The following NOPCHAP1 variants were observed in gnomAD, a reference collection of about 807,000 sequenced individuals.
NOPCHAP1 encodes the protein NOP protein chaperone 1.
In NOPCHAP1, 13 loss-of-function variants were observed where a neutral mutation model predicts 14.0. The ratio of observed to expected loss-of-function variants is 0.93; its 90% CI spans 0.60 to 1.47. The LOEUF (loss-of-function observed/expected upper bound fraction) is 1.47. Ranked by LOEUF, NOPCHAP1 falls within the 40% of genes most tolerant of loss-of-function variation. NOPCHAP1 has a pLI of 0.00. For missense variants in NOPCHAP1, 230 were observed against 226.9 expected, an observed-to-expected ratio of 1.01 and a Z score of -0.09; for synonymous variants, 78 against 78.4, an observed-to-expected ratio of 1.00 and a Z score of 0.03.
Position 105,008,265 on chromosome 12 carries a change from G to T in NOPCHAP1, c.*13569G>T, listed in dbSNP as rs559948891. Reference sequence around the variant, plus strand: ...GTGATGATGAGCTTTTTTCATGTTTGTTGGCCGCATAAATGTCTTCTTTTG... The same window carrying T: ...GTGATGATGAGCTTTTTTCATGTTTTTTGGCCGCATAAATGTCTTCTTTTG... On this transcript the variant is annotated 3_prime_UTR_variant, in exon 4 of 4. Coordinates refer to ENST00000552951, the MANE Select transcript of NOPCHAP1 (RefSeq NM_152318.3). The T allele has an allele frequency of 2.0e-5, 3 of 152,250 alleles. No individual in the cohort carries two copies. The highest frequency in any genetic ancestry group is 2.1e-4 in the South Asian group (1 of 4,824). The allele number at this position is 152,250 out of a possible 1,614,324, so 9.4% of individuals were successfully genotyped here.
At chr12:104,990,862 T>G (rs527427053) in intron 2 of NOPCHAP1, among the ~76,000 whole-genome samples, 2 of 152,324 alleles carry the variant, frequency 1.3e-5, no homozygotes, top group East Asian at 1.9e-4. Context: ...TGTTGGCTCT[T>G]TTTATTGGGG....
chr12:105,015,287 T>G lies in NOPCHAP1; in HGVS notation c.*20591T>G, dbSNP rs574941457. Reference sequence around the variant, plus strand: ...CCACTGGATGCTATGCTACCTTGTGTGAACAGTTGCATTTGTCTGTTTCAC... The same window carrying G: ...CCACTGGATGCTATGCTACCTTGTGGGAACAGTTGCATTTGTCTGTTTCAC... On this transcript the variant is annotated 3_prime_UTR_variant, in exon 4 of 4. Coordinates refer to ENST00000552951, the MANE Select transcript of NOPCHAP1 (RefSeq NM_152318.3). The G allele has an allele frequency of 6.6e-6, 1 of 152,232 alleles. No individual in the cohort carries two copies. The highest frequency in any genetic ancestry group is 1.5e-5 in the Non-Finnish European group (1 of 68,052). 9.4% of individuals were successfully genotyped at this position (152,232 alleles called of 1,614,324 possible).
At chr12:104,988,685 C>A (rs1305575141) in intron 2 of NOPCHAP1, among the ~76,000 whole-genome samples, 1 of 152,144 alleles carries the variant, frequency 6.6e-6, no homozygotes, top group Non-Finnish European at 1.5e-5. Flanking sequence ...ACTGCACATT[C>A]ATAAGTATGT....
rs1199685896 is a variant in NOPCHAP1, at chr12:104,986,330, G to C, written c.-23G>C. On this transcript the variant is annotated 5_prime_UTR_variant, in exon 1 of 4. Transcript: ENST00000552951. ...GAGCCTTTTTCCTGCATCCGGGCCT[G>C]AGAGTGCAGGCTTGAGGGAAGCATG... The C allele has an allele frequency of 6.3e-7, 1 of 1,586,652 alleles. No individual in the cohort carries two copies. The highest frequency in any genetic ancestry group is 1.3e-5 in the African/African-American group (1 of 74,270).
chr12:105,007,458 A>G lies in NOPCHAP1; in HGVS notation c.*12762A>G, dbSNP rs1873729567. On this transcript the variant is annotated 3_prime_UTR_variant, in exon 4 of 4. Coordinates refer to ENST00000552951, the MANE Select transcript of NOPCHAP1 (RefSeq NM_152318.3). ...GCTTCTTGGAAGAAATTCCAACATCACTAGTAGCACTTTATATGGTTCCTA... is the reference window on the plus strand; with the variant it reads ...GCTTCTTGGAAGAAATTCCAACATCGCTAGTAGCACTTTATATGGTTCCTA... 1 of 152,140 alleles carries G rather than the reference A, an allele frequency of 6.6e-6. No individual in the cohort carries two copies. Among genetic ancestry groups the G allele is most frequent in the South Asian group, 2.1e-4 (1 of 4,832 alleles). 9.4% of individuals were successfully genotyped at this position (152,140 alleles called of 1,614,324 possible).
At chr12:104,986,711 T>C (rs962826150) in intron 1 of NOPCHAP1, among the ~76,000 whole-genome samples, 3 of 152,158 alleles carry the variant, frequency 2.0e-5, no homozygotes, top group African/African-American at 7.2e-5. Flanking sequence ...TGCAAGGTAG[T>C]GAGCGCCCAC....
rs766723823 is a variant in NOPCHAP1 at position 104,988,198 on chromosome 12, A to G, written c.147A>G (p.Gln49=). 4 of 1,613,100 alleles carry G rather than the reference A, an allele frequency of 2.5e-6. No individual in the cohort carries two copies. Among genetic ancestry groups the G allele is most frequent in the Admixed American group, 1.7e-5 (1 of 59,966 alleles). The stretch of plus-strand genomic sequence containing the variant: ...GGGACAGGTTGCTCATCAACTCCCA[A>G]CCTAAGTCCAGAAAGACCTCCACTC... The part of the protein sequence containing the change: ...GIWDRLLINS[Q]PKSRKTSTLQ... The change falls in exon 2 of 4, where the codon CAA becomes CAG. Residue 49 remains glutamine (Q), a synonymous_variant. Coordinates refer to ENST00000552951, the MANE Select transcript of NOPCHAP1 (RefSeq NM_152318.3).
intron 3 of NOPCHAP1, 145 bp from the exon 4 acceptor site, chr12:104,994,333 C>G (rs1425330393): frequency 9.3e-6 from 7 of 754,392 alleles, no homozygotes; most frequent in Non-Finnish European, 1.6e-5. Context: ...GGCAGCAGAG[C>G]AAGACTCTGT....
chr12:104,995,860 T>C lies in NOPCHAP1; in HGVS notation c.*1164T>C, dbSNP rs1449754905. 2 of 151,930 alleles carry C rather than the reference T, an allele frequency of 1.3e-5. No individual in the cohort carries two copies. The highest frequency in any genetic ancestry group is 2.9e-5 in the Non-Finnish European group (2 of 68,130). The allele number at this position is 151,930 out of a possible 1,614,324, so 9.4% of individuals were successfully genotyped here. ...CATGCCCGGCTAATTTTTTTTTTTT[T>C]TGTATTTTTAGTAGAGACGGGATTT... On this transcript the variant is annotated 3_prime_UTR_variant, in exon 4 of 4. Transcript: ENST00000552951.
intron 2 of NOPCHAP1, among the ~76,000 whole-genome samples, chr12:104,990,528 G>A (rs952403244): frequency 5.3e-5 from 8 of 152,128 alleles, no homozygotes; most frequent in East Asian, 1.9e-4. Flanking sequence ...AATAGAGGTC[G>A]TCTACTTGAC....
intron 2 of NOPCHAP1, among the ~76,000 whole-genome samples, chr12:104,989,290 A>G (rs930278180): frequency 6.6e-6 from 1 of 152,216 alleles, no homozygotes; most frequent in African/African-American, 2.4e-5. Context: ...TGTAAACATC[A>G]TTCTTGATAG....
chr12:104,988,149 G>C lies in NOPCHAP1; in HGVS notation c.116-18G>C. 6.4e-7 allele frequency: 1 copy of C among 1,574,144 alleles called. No homozygotes were observed. Among genetic ancestry groups the C allele is most frequent in the South Asian group, 1.1e-5 (1 of 89,386 alleles). ...ATGCTGTAGTAAATTAAGGGTGTTTGTGTGTCTGTATTTTCAGGTATATGG... is the reference window on the plus strand; with the variant it reads ...ATGCTGTAGTAAATTAAGGGTGTTTCTGTGTCTGTATTTTCAGGTATATGG... On this transcript the variant is annotated intron_variant, in intron 1 of 3. Coordinates refer to ENST00000552951, the MANE Select transcript of NOPCHAP1 (RefSeq NM_152318.3).
intron 1 of NOPCHAP1, 147 bp downstream of exon 1, chr12:104,986,614 C>A: frequency 1.6e-6 from 1 of 630,630 alleles, no homozygotes; most frequent in Non-Finnish European, 2.5e-6. Context: ...CTCCGGCGTG[C>A]CCTGCCCGCG....
In NOPCHAP1 at chr12:105,007,067, A is replaced by C. The variant is rs1873723808; in HGVS notation, c.*12371A>C. On this transcript the variant is annotated 3_prime_UTR_variant, in exon 4 of 4. Coordinates refer to ENST00000552951, the MANE Select transcript of NOPCHAP1 (RefSeq NM_152318.3). ...TAAGTCAAACCTCTAAAATTATCAA[A>C]GCATCTTATGCTGGCATTGAATTAT... 1 of 151,688 alleles carries C rather than the reference A, an allele frequency of 6.6e-6. No individual in the cohort carries two copies. The highest frequency in any genetic ancestry group is 1.5e-5 in the Non-Finnish European group (1 of 67,962). 9.4% of individuals were successfully genotyped at this position (151,688 alleles called of 1,614,324 possible).
intron 1 of NOPCHAP1, among the ~76,000 whole-genome samples, chr12:104,987,308 G>T (rs1873262273): frequency 6.6e-6 from 1 of 152,162 alleles, no homozygotes; most frequent in Non-Finnish European, 1.5e-5. Context: ...TGTTATCTCT[G>T]TTTTATAGTT....
Position 105,009,746 on chromosome 12 carries a change from G to A in NOPCHAP1, c.*15050G>A. 1 of 152,166 alleles carries A rather than the reference G, an allele frequency of 6.6e-6. No individual in the cohort carries two copies. Among genetic ancestry groups the A allele is most frequent in the East Asian group, 1.9e-4 (1 of 5,204 alleles). The allele number at this position is 152,166 out of a possible 1,614,324, so 9.4% of individuals were successfully genotyped here. On this transcript the variant is annotated 3_prime_UTR_variant, in exon 4 of 4. Coordinates refer to ENST00000552951, the MANE Select transcript of NOPCHAP1 (RefSeq NM_152318.3). Reference sequence around the variant, plus strand: ...TCATGTGCTTTTTGTCATTGGTTCTGTTTATGTGATGGATTATGTTTATTG... The same window carrying A: ...TCATGTGCTTTTTGTCATTGGTTCTATTTATGTGATGGATTATGTTTATTG...
chr12:104,994,412 ATTG>A, intron 3 of NOPCHAP1, 63 bp from the exon 4 acceptor site: 1 of 1,370,088 alleles, frequency 7.3e-7, no homozygotes, highest in Non-Finnish European at 1.0e-6. Flanking sequence ...TCTTCCCAAT[ATTG>A]TTTTATTACG....
rs1373497609 is a variant in NOPCHAP1 at position 105,001,786 on chromosome 12, T to C, written c.*7090T>C. The C allele has an allele frequency of 6.6e-6, 1 of 152,216 alleles. No individual in the cohort carries two copies. Among genetic ancestry groups the C allele is most frequent in the African/African-American group, 2.4e-5 (1 of 41,454 alleles). 9.4% of individuals were successfully genotyped at this position (152,216 alleles called of 1,614,324 possible). A position where few individuals can be genotyped will look rare whatever the true frequency, so the allele number is the denominator to read the frequency against. On this transcript the variant is annotated 3_prime_UTR_variant, in exon 4 of 4. Transcript: ENST00000552951. ...TTTTTACTCTGAGGGATGTATTAGCTTATTAAGGTAGAGTTTATAGTAGAT... is the reference window on the plus strand; with the variant it reads ...TTTTTACTCTGAGGGATGTATTAGCCTATTAAGGTAGAGTTTATAGTAGAT...
In NOPCHAP1 at chr12:104,996,354, T is replaced by G. The variant is rs903156964; in HGVS notation, c.*1658T>G. On this transcript the variant is annotated 3_prime_UTR_variant, in exon 4 of 4. Coordinates refer to ENST00000552951, the MANE Select transcript of NOPCHAP1 (RefSeq NM_152318.3). ...TCCTTTTAAAAAGATGTTTTACATT[T>G]TATTATTTTCATTTTTTTTTTTTTT... The G allele has an allele frequency of 6.6e-6, 1 of 151,818 alleles. No individual in the cohort carries two copies. Among genetic ancestry groups the G allele is most frequent in the African/African-American group, 2.4e-5 (1 of 41,176 alleles). The allele number at this position is 151,818 out of a possible 1,614,324, so 9.4% of individuals were successfully genotyped here.
Sources: allele counts gnomAD v4.1 joint callset (sites outside exome capture counted in the v4.1 genomes callset), GRCh38; gene constraint gnomAD v4.1.1; transcripts MANE v1.5; gene names NCBI Gene and HGNC (gene_info 2026-07-23, HGNC 2026-07-21).